Variants in ASTN2 observed in about 807,000 individuals in gnomAD.
ASTN2 encodes astrotactin-2.
Under a neutral mutation model 139.8 loss-of-function variants are expected in ASTN2, and 54 were observed. The ratio of observed to expected loss-of-function variants is 0.39; its 90% CI spans 0.31 to 0.48. ASTN2 has a LOEUF of 0.48. Ranked by LOEUF, ASTN2 falls within the 20% of genes least tolerant of loss-of-function variation. ASTN2 has a pLI of 0.95. For synonymous variants in ASTN2, 756 were observed against 719.5 expected (o/e 1.05, Z -0.81); for missense variants, 1,565 against 1,725.1 (o/e 0.91, Z 1.64).
At chr9:116,828,256 C>T (rs1246905108) in intron 11 of ASTN2, among the ~76,000 whole-genome samples, 2 of 145,974 alleles carry the variant, frequency 1.4e-5, no homozygotes, top group Non-Finnish European at 3.0e-5. Context: ...AAGATCATGC[C>T]ACTGCATGCA....
At chr9:116,805,894 G>T (rs1831017774) in intron 12 of ASTN2, 74 bp from the exon 13 acceptor site, 1 of 1,468,654 alleles carries the variant, frequency 6.8e-7, no homozygotes, top group Non-Finnish European at 9.3e-7. Flanking sequence ...TAAAACCAAG[G>T]CCTCCTTTCC....
intron 10 of ASTN2, among the ~76,000 whole-genome samples, chr9:116,879,344 GAGAC>G (rs55856269): frequency 0.35 from 53,017 of 149,534 alleles, 10,151 homozygotes; most frequent in Non-Finnish European, 0.44. Context: ...GAGAGAGACA[GAGAC>G]AGACAGACAG....
intron 20 of ASTN2, among the ~76,000 whole-genome samples, chr9:116,465,966 C>CTTTT (rs755233735): frequency 1.7e-5 from 2 of 117,848 alleles, no homozygotes; most frequent in East Asian, 8.7e-4. Context: ...TTTCTCCATA[C>CTTTT]TTTATTTTAT....
chr9:116,808,221 C>T (rs879402919), intron 12 of ASTN2, among the ~76,000 whole-genome samples: 2 of 152,094 alleles, frequency 1.3e-5, no homozygotes, highest in Non-Finnish European at 2.9e-5. Context: ...CCAGAGGTCA[C>T]CATTGTTAAT....
Position 116,425,462 on chromosome 9 carries a change from G to T in ASTN2, c.*389C>A. The T allele has an allele frequency of 8.8e-7, 1 of 1,135,662 alleles. No homozygotes were observed. Among genetic ancestry groups the T allele is most frequent in the Non-Finnish European group, 1.3e-6 (1 of 770,392 alleles). The allele number at this position is 1,135,662 out of a possible 1,614,324, so 70.3% of individuals were successfully genotyped here. A position where few individuals can be genotyped will look rare whatever the true frequency, so the allele number is the denominator to read the frequency against. ...TCAGGTCAAAACTGTCCCTCCATAGGTCTCCTCCAGGGGTCCATGGCAGGA... is the reference window on the plus strand; with the variant it reads ...TCAGGTCAAAACTGTCCCTCCATAGTTCTCCTCCAGGGGTCCATGGCAGGA... On this transcript the variant is annotated 3_prime_UTR_variant, in exon 23 of 23. Coordinates refer to ENST00000313400, the MANE Select transcript of ASTN2 (RefSeq NM_001365068.1).
intron 11 of ASTN2, among the ~76,000 whole-genome samples, chr9:116,861,754 T>G (rs941188068): frequency 3.3e-5 from 5 of 152,160 alleles, no homozygotes; most frequent in African/African-American, 1.2e-4. Context: ...GAGAACCAAG[T>G]TGGCACAATG....
At chr9:116,737,105 G>T (rs1318280019) in intron 13 of ASTN2, among the ~76,000 whole-genome samples, 1 of 152,232 alleles carries the variant, frequency 6.6e-6, no homozygotes, top group African/African-American at 2.4e-5. Context: ...GGAAGACTGG[G>T]AAGAAGGGTG....
At chr9:116,887,386 A>G (rs1833639911) in intron 10 of ASTN2, among the ~76,000 whole-genome samples, 1 of 151,876 alleles carries the variant, frequency 6.6e-6, no homozygotes, top group African/African-American at 2.4e-5. Flanking sequence ...GGAGGGGTGC[A>G]GGATCCCCCG....
At chr9:117,003,340 C>A (rs941766582) in intron 7 of ASTN2, among the ~76,000 whole-genome samples, 9 of 152,124 alleles carry the variant, frequency 5.9e-5, no homozygotes, top group Admixed American at 5.2e-4. Context: ...AGGCTTAACT[C>A]CAGACCTGCT....
At chr9:117,249,641 C>T (rs1267325643) in intron 2 of ASTN2, among the ~76,000 whole-genome samples, 1 of 151,990 alleles carries the variant, frequency 6.6e-6, no homozygotes, top group East Asian at 1.9e-4. Context: ...TGAGGCACCC[C>T]CACAGATCCC....
chr9:117,013,508 C>A (rs1837592026), intron 6 of ASTN2, among the ~76,000 whole-genome samples: 1 of 148,394 alleles, frequency 6.7e-6, no homozygotes, highest in Non-Finnish European at 1.5e-5. Flanking sequence ...CTCCCACTTA[C>A]TTGTGGGAAT....
At chr9:116,760,553 T>C (rs1028891218) in intron 13 of ASTN2, among the ~76,000 whole-genome samples, 1 of 152,200 alleles carries the variant, frequency 6.6e-6, no homozygotes, top group Non-Finnish European at 1.5e-5. Flanking sequence ...ATGGGAGGAT[T>C]CCGAGCGAGG....
At chr9:116,618,568 T>C (rs1156381759) in intron 18 of ASTN2, 96 bp from the exon 19 acceptor site, 1 of 1,391,384 alleles carries the variant, frequency 7.2e-7, no homozygotes, top group Non-Finnish European at 9.6e-7. Context: ...TAGGTTTCAG[T>C]CTGAATTTAA....
At chr9:116,786,939 G>A (rs1220353549) in intron 13 of ASTN2, among the ~76,000 whole-genome samples, 1 of 152,118 alleles carries the variant, frequency 6.6e-6, no homozygotes, top group Non-Finnish European at 1.5e-5. Flanking sequence ...GAGAGCTGGT[G>A]GTTTTAAAAG....
Position 117,268,211 on chromosome 9 carries a change from A to T in ASTN2, c.630+23115T>A, listed in dbSNP as rs73519266. 2.6e-3 allele frequency among the ~76,000 whole-genome samples: 392 copies of T among 152,248 alleles called. 4 individuals are homozygous for T. The highest frequency in any genetic ancestry group is 9.0e-3 in the African/African-American group (375 of 41,534). ...CTGTGGGTAAAAGCCATGTATGTCC[A>T]CCTGCGTTCATCAGTCCCCAGCCCT... On this transcript the variant is annotated intron_variant, in intron 2 of 22. Coordinates refer to ENST00000313400, the MANE Select transcript of ASTN2 (RefSeq NM_001365068.1).
intron 10 of ASTN2, among the ~76,000 whole-genome samples, chr9:116,932,329 G>C (rs1250335500): frequency 6.6e-6 from 1 of 152,150 alleles, no homozygotes; most frequent in Non-Finnish European, 1.5e-5. Context: ...CAAACAGCCT[G>C]GTAGTGGACC....
chr9:117,193,939 T>C (rs1486808078), intron 3 of ASTN2, among the ~76,000 whole-genome samples: 1 of 149,706 alleles, frequency 6.7e-6, no homozygotes, highest in Non-Finnish European at 1.5e-5. Flanking sequence ...GTAATTCCCA[T>C]GCAGGGAGCA....
chr9:116,915,922 T>G (rs1316705230), intron 10 of ASTN2, among the ~76,000 whole-genome samples: 1 of 152,210 alleles, frequency 6.6e-6, no homozygotes, highest in Non-Finnish European at 1.5e-5. Context: ...TGGGTACCCC[T>G]GAATTTGTAG....
At chr9:116,446,303 A>AGAGAGAGAGAGAGG (rs1847997306) in intron 20 of ASTN2, among the ~76,000 whole-genome samples, 1 of 150,514 alleles carries the variant, frequency 6.6e-6, no homozygotes, top group Admixed American at 6.6e-5. Flanking sequence ...AGAGAGAGAG[A>AGAGAGAGAGAGAGG]GAGAGAATAA....
Sources: gnomAD v4.1 joint callset for allele counts (sites outside exome capture counted in the v4.1 genomes callset) on GRCh38, gnomAD v4.1.1 for gene constraint, MANE v1.5 for transcripts, NCBI Gene and HGNC (gene_info 2026-07-23, HGNC 2026-07-21) for gene names.